Variants in MOV10L1 observed in about 807,000 individuals in gnomAD.
The protein encoded by MOV10L1 is Mov10 like RNA helicase 1, also known as RNA helicase Mov10l1.
In MOV10L1, 110 loss-of-function variants were observed where a neutral mutation model predicts 143.8. The ratio of observed to expected loss-of-function variants is 0.76; its 90% CI spans 0.66 to 0.90. The LOEUF (loss-of-function observed/expected upper bound fraction) is 0.90, where lower values mean the gene tolerates loss of function less well. Among genes scored for constraint, MOV10L1 ranks in the 40% least tolerant of loss-of-function variants. The pLI is 0.00. For synonymous variants in MOV10L1, 593 were observed against 581.1 expected, an observed-to-expected ratio of 1.02 and a Z score of -0.29; for missense variants, 1,406 against 1,526.8, an observed-to-expected ratio of 0.92 and a Z score of 1.32.
At chr22:50,155,771 G>A (rs530420773) in intron 22 of MOV10L1, among the ~76,000 whole-genome samples, 2 of 152,244 alleles carry the variant, frequency 1.3e-5, no homozygotes, top group South Asian at 4.1e-4. Context: ...ACCGCACCCC[G>A]CCTGGTGGTC....
chr22:50,149,780 C>T (rs944360777), intron 20 of MOV10L1, 66 bp downstream of exon 20: 6 of 1,424,662 alleles, frequency 4.2e-6, no homozygotes, highest in African/African-American at 1.4e-5. Context: ...ATGCAGGCTG[C>T]GATCCTGCCG....
intron 1 of MOV10L1, 49 bp downstream of exon 1, chr22:50,090,234 C>T (rs769243128): frequency 5.0e-6 from 7 of 1,402,744 alleles, no homozygotes; most frequent in Non-Finnish European, 5.6e-6. Flanking sequence ...CCTCGCGTGT[C>T]GGCCACGAGG....
chr22:50,111,704 C>G (rs574666086), intron 5 of MOV10L1, among the ~76,000 whole-genome samples: 22 of 151,970 alleles, frequency 1.4e-4, no homozygotes, highest in Admixed American at 3.9e-4. Context: ...GGGGTTTCAC[C>G]GTGTTAGCCA....
At chr22:50,101,262 C>T (rs374385267) in intron 3 of MOV10L1, among the ~76,000 whole-genome samples, 3 of 152,292 alleles carry the variant, frequency 2.0e-5, no homozygotes, top group African/African-American at 7.2e-5. Flanking sequence ...GTTTCCCAGG[C>T]TGGAGTACAG....
intron 13 of MOV10L1, among the ~76,000 whole-genome samples, chr22:50,131,699 A>G (rs1009050909): frequency 1.4e-4 from 21 of 151,234 alleles, no homozygotes; most frequent in Admixed American, 1.3e-3. Flanking sequence ...CCTTTCTCCA[A>G]TGAATTACTA....
intron 8 of MOV10L1, among the ~76,000 whole-genome samples, chr22:50,115,706 C>G (rs2062154677): frequency 1.3e-5 from 2 of 152,334 alleles, no homozygotes; most frequent in East Asian, 1.9e-4. Context: ...GGCCTCTCAC[C>G]CTCACAAAGA....
chr22:50,141,335 CTTTT>C (rs57632309), intron 15 of MOV10L1, among the ~76,000 whole-genome samples: 1 of 146,282 alleles, frequency 6.8e-6, no homozygotes, highest in African/African-American at 2.5e-5. Context: ...TGCGTGCAGC[CTTTT>C]TTTTTTTTAT....
chr22:50,131,932 A>G (rs138250), intron 13 of MOV10L1, among the ~76,000 whole-genome samples: 83,394 of 151,970 alleles, frequency 0.55, 23,403 homozygotes, highest in Admixed American at 0.65. Context: ...TCTGGAGGTC[A>G]GGAAGCCCAA....
intron 22 of MOV10L1, among the ~76,000 whole-genome samples, chr22:50,155,595 A>G (rs113355881): frequency 0.056 from 8,438 of 150,136 alleles, 295 homozygotes; most frequent in African/African-American, 0.09. Context: ...CATGCTTCAG[A>G]CTCCCAAGGA....
chr22:50,130,134 G>C (rs9617091), intron 13 of MOV10L1, among the ~76,000 whole-genome samples: 33,996 of 151,800 alleles, frequency 0.22, 4,114 homozygotes, highest in Admixed American at 0.35. Context: ...AACTTAGTGG[G>C]CATGATGGCA....
chr22:50,145,840 G>A (rs1282071191), intron 19 of MOV10L1, 30 bp downstream of exon 19: 10 of 1,611,738 alleles, frequency 6.2e-6, no homozygotes, highest in Non-Finnish European at 8.5e-6. Flanking sequence ...CGCGGCATGG[G>A]GCCTCCCAGG....
chr22:50,154,402 AT>A lies in MOV10L1; in HGVS notation c.3066+1197del, dbSNP rs879707738. Among the ~76,000 whole-genome samples, 789 of 146,790 alleles carry A rather than the reference AT, an allele frequency of 5.4e-3. 10 individuals are homozygous for A. Among genetic ancestry groups the A allele is most frequent in the African/African-American group, 0.016 (632 of 40,200 alleles). ...TGAAACTCCCATCTCTTAAAAAAAA[AT>A]TTTTTTTTTTTTAAATTAGCTGAGC... On this transcript the variant is annotated intron_variant, in intron 22 of 26. Coordinates refer to ENST00000262794, the MANE Select transcript of MOV10L1 (RefSeq NM_018995.3).
At chr22:50,143,750 C>T (rs1022391617) in intron 17 of MOV10L1, among the ~76,000 whole-genome samples, 3 of 152,150 alleles carry the variant, frequency 2.0e-5, no homozygotes, top group Non-Finnish European at 2.9e-5. Context: ...CATCATAAGC[C>T]GAAGACCATC....
At chr22:50,105,423 A>G (rs928258073) in intron 3 of MOV10L1, among the ~76,000 whole-genome samples, 1 of 152,178 alleles carries the variant, frequency 6.6e-6, no homozygotes, top group African/African-American at 2.4e-5. Flanking sequence ...TCATCGAAAG[A>G]TTCTTTTGAA....
At chr22:50,121,238 G>A (rs1198136775) in intron 10 of MOV10L1, among the ~76,000 whole-genome samples, 1 of 152,188 alleles carries the variant, frequency 6.6e-6, no homozygotes, top group South Asian at 2.1e-4. Context: ...CTGTCCTAAG[G>A]AGAATGAAGG....
At chr22:50,144,265 T>TG in intron 18 of MOV10L1, 22 bp downstream of exon 18, 4 of 1,580,282 alleles carry the variant, frequency 2.5e-6, no homozygotes, top group Non-Finnish European at 3.5e-6. Context: ...GTGCAAGCAG[T>TG]GGGGGGCACC....
At position 50,145,722 on chromosome 22, in the gene MOV10L1, G is replaced by C; in HGVS notation, c.2539G>C (p.Asp847His). The stretch of plus-strand genomic sequence containing the variant: ...TGACGCCGTCAAACCGTATTGCAGA[G>C]ACGGAGAAGACATCTGGAAAGCCTC... ...VIDAVKPYCRDGEDIWKASRF... is the reference protein window; with the variant it reads ...VIDAVKPYCRHGEDIWKASRF... Residue 847 changes from aspartate (D) to histidine (H), a missense_variant, in exon 19 of 27, where the codon GAC (aspartate) becomes CAC (histidine). Physicochemically the swap from Asp to His is moderately conservative, Grantham distance 81 (BLOSUM62 -1). Coordinates refer to ENST00000262794, the MANE Select transcript of MOV10L1 (RefSeq NM_018995.3). 6.2e-7 allele frequency: 1 copy of C among 1,614,180 alleles called. No individual in the cohort carries two copies. The highest frequency in any genetic ancestry group is 8.5e-7 in the Non-Finnish European group (1 of 1,180,046).
At chr22:50,137,863 TA>T (rs1381372726) in intron 15 of MOV10L1, among the ~76,000 whole-genome samples, 1 of 140,770 alleles carries the variant, frequency 7.1e-6, no homozygotes, top group Non-Finnish European at 1.6e-5. Context: ...TACATATTTT[TA>T]TATATACACA....
At chr22:50,125,174 G>C (rs2062462365) in intron 10 of MOV10L1, among the ~76,000 whole-genome samples, 1 of 152,222 alleles carries the variant, frequency 6.6e-6, no homozygotes, top group Non-Finnish European at 1.5e-5. Context: ...GAGCCCCACT[G>C]CCTCATGCCA....
Sources: gnomAD v4.1 joint callset for allele counts (sites outside exome capture counted in the v4.1 genomes callset) on GRCh38, gnomAD v4.1.1 for gene constraint, MANE v1.5 for transcripts, NCBI Gene and HGNC (gene_info 2026-07-23, HGNC 2026-07-21) for gene names.